ZNF254: variants seen among roughly 807,000 people sequenced by gnomAD.
ZNF254 encodes CTD-2017D11.1.
In ZNF254, 10 loss-of-function variants were observed where a neutral mutation model predicts 12.4. The ratio of observed to expected loss-of-function variants is 0.80; its 90% CI spans 0.50 to 1.36. The LOEUF is 1.36. Among genes scored for constraint, ZNF254 ranks in the 40% most tolerant of loss-of-function variants. The probability of loss-of-function intolerance (pLI) is 0.00; values close to 1 mark genes in which losing one functional copy is unlikely to be tolerated. For missense variants in ZNF254, 996 were observed against 763.9 expected (o/e 1.30, Z -3.58); for synonymous variants, 305 against 253.4 (o/e 1.20, Z -1.93).
At chr19:24,111,535 T>A (rs1320997346) in intron 3 of ZNF254, among the ~76,000 whole-genome samples, 1 of 152,222 alleles carries the variant, frequency 6.6e-6, no homozygotes, top group Non-Finnish European at 1.5e-5. Context: ...CACACTGACT[T>A]CCACAATGGT....
At chr19:24,034,061 G>A (rs909121938) in intron 1 of ZNF254, among the ~76,000 whole-genome samples, 1 of 152,048 alleles carries the variant, frequency 6.6e-6, no homozygotes, top group Non-Finnish European at 1.5e-5. Context: ...AGACTCAAGC[G>A]ATTCTCGTGC....
At chr19:24,058,764 A>T (rs1970959929) in intron 2 of ZNF254, among the ~76,000 whole-genome samples, 1 of 152,052 alleles carries the variant, frequency 6.6e-6, no homozygotes, top group Admixed American at 6.6e-5. Flanking sequence ...ATTGTAAAAT[A>T]TTGCTGCCAT....
At chr19:24,103,153 G>T (rs548619731) in intron 1 of ZNF254, among the ~76,000 whole-genome samples, 1 of 152,258 alleles carries the variant, frequency 6.6e-6, no homozygotes, top group Non-Finnish European at 1.5e-5. Context: ...ACTTTAAAGA[G>T]CCAGAAAATA....
At chr19:24,117,543 C>A (rs182538334) in intron 3 of ZNF254, among the ~76,000 whole-genome samples, 2 of 152,132 alleles carry the variant, frequency 1.3e-5, no homozygotes, top group Admixed American at 6.5e-5. Flanking sequence ...TTAAGCCCGT[C>A]GGAAAAGCGC....
chr19:24,069,312 T>C (rs1971393355), intron 2 of ZNF254, among the ~76,000 whole-genome samples: 1 of 146,008 alleles, frequency 6.8e-6, no homozygotes, highest in Admixed American at 6.9e-5. Flanking sequence ...AGCCCAAGAT[T>C]GTGTTTCTTA....
intron 2 of ZNF254, among the ~76,000 whole-genome samples, chr19:24,065,212 T>C (rs1971226345): frequency 6.6e-6 from 1 of 152,158 alleles, no homozygotes; most frequent in Non-Finnish European, 1.5e-5. Context: ...AAGATTGTGA[T>C]ATATTGCTGG....
In ZNF254 at chr19:24,126,865, A is replaced by T. The variant is rs759741667; in HGVS notation, c.865A>T (p.Thr289Ser). 6.2e-7 allele frequency: 1 copy of T among 1,613,510 alleles called. No homozygotes were observed. The highest frequency in any genetic ancestry group is 1.1e-5 in the South Asian group (1 of 91,046). The part of the protein sequence containing the change: ...SNLTTHKIIH[T>S]GEKPYKCEEC... ...TCTTACTACACATAAGATAATTCAT[A>T]CTGGAGAGAAACCTTACAAGTGTGA... The change falls in exon 4 of 4, where the codon ACT (threonine) becomes TCT (serine). Residue 289 changes from threonine (T) to serine (S), a missense_variant. Thr to Ser is a moderately conservative substitution (Grantham distance 58). Coordinates refer to ENST00000357002, the MANE Select transcript of ZNF254 (RefSeq NM_203282.4).
intron 1 of ZNF254, among the ~76,000 whole-genome samples, chr19:24,089,703 CT>C (rs369338289): frequency 8.1e-5 from 12 of 148,754 alleles, no homozygotes; most frequent in East Asian, 2.0e-4. Context: ...TCCTAGTGCA[CT>C]TTTTTTTTTA....
intron 3 of ZNF254, among the ~76,000 whole-genome samples, chr19:24,116,519 G>T (rs539946379): frequency 2.0e-5 from 3 of 152,124 alleles, no homozygotes; most frequent in South Asian, 2.1e-4. Flanking sequence ...TCTTCATGTA[G>T]TTCTCAAGCC....
intron 3 of ZNF254, among the ~76,000 whole-genome samples, chr19:24,119,914 GA>G (rs1471648022): frequency 2.0e-5 from 3 of 151,920 alleles, no homozygotes; most frequent in Non-Finnish European, 4.4e-5. Flanking sequence ...ATTGTGTAGT[GA>G]CATGCTTCAA....
intron 3 of ZNF254, 41 bp from the exon 4 acceptor site, chr19:24,126,213 T>C (rs1477020490): frequency 7.7e-7 from 1 of 1,301,728 alleles, no homozygotes; most frequent in Non-Finnish European, 1.0e-6. Context: ...CATGTGAGTC[T>C]AGTAAGTGGA....
chr19:24,126,109 T>C (rs955462062), intron 3 of ZNF254, 145 bp from the exon 4 acceptor site: 8 of 491,950 alleles, frequency 1.6e-5, no homozygotes, highest in Non-Finnish European at 2.6e-5. Context: ...GTTACATTTA[T>C]GTCTATGAAA....
chr19:24,099,816 T>C (rs1972902878), intron 1 of ZNF254, among the ~76,000 whole-genome samples: 1 of 152,202 alleles, frequency 6.6e-6, no homozygotes. Context: ...GATATTCAGA[T>C]TTAAGTGTGT....
At chr19:24,121,177 G>C (rs922245358) in intron 3 of ZNF254, among the ~76,000 whole-genome samples, 3 of 151,464 alleles carry the variant, frequency 2.0e-5, no homozygotes, top group African/African-American at 7.3e-5. Context: ...ATTTTTGTTT[G>C]TTTGTTTTAC....
At chr19:24,117,602 C>A (rs1413414726) in intron 3 of ZNF254, among the ~76,000 whole-genome samples, 2 of 152,134 alleles carry the variant, frequency 1.3e-5, no homozygotes, top group East Asian at 3.9e-4. Flanking sequence ...TCTGTCACCC[C>A]TTTCTTTGAC....
intron 2 of ZNF254, among the ~76,000 whole-genome samples, chr19:24,048,650 T>C: frequency 6.6e-6 from 1 of 152,192 alleles, no homozygotes; most frequent in East Asian, 1.9e-4. Flanking sequence ...ATCCCCACTT[T>C]GAGTTTGTTT....
chr19:24,058,520 G>A (rs1970949021), intron 2 of ZNF254, among the ~76,000 whole-genome samples: 1 of 151,078 alleles, frequency 6.6e-6, no homozygotes. Context: ...AAACAATTCT[G>A]TCTCAGCCTC....
At chr19:24,106,694 A>T (rs561519054) in intron 3 of ZNF254, 51 bp downstream of exon 3, 143 of 1,427,444 alleles carry the variant, frequency 1.0e-4, no homozygotes, top group Non-Finnish European at 1.3e-4. Flanking sequence ...TCCAAAGTCA[A>T]GAAGAAAGCC....
chr19:24,127,483 T>C lies in ZNF254; in HGVS notation c.1483T>C (p.Cys495Arg). ...AGAGAAACCCTACAAATGTGAAGAA[T>C]GTGGCAAATCTTTTAGCCAATCCTC... Reference protein sequence around the residue: ...TGEKPYKCEECGKSFSQSSTL... With the variant: ...TGEKPYKCEERGKSFSQSSTL... The change falls in exon 4 of 4, where the codon TGT (cysteine) becomes CGT (arginine). Residue 495 changes from cysteine (C) to arginine (R), a missense_variant. Transcript: ENST00000357002. The C allele has an allele frequency of 6.2e-7, 1 of 1,613,564 alleles. No homozygotes were observed. The highest frequency in any genetic ancestry group is 8.5e-7 in the Non-Finnish European group (1 of 1,179,834).
Sources: allele counts gnomAD v4.1 joint callset (sites outside exome capture counted in the v4.1 genomes callset), GRCh38; gene constraint gnomAD v4.1.1; transcripts MANE v1.5; gene names NCBI Gene and HGNC (gene_info 2026-07-23, HGNC 2026-07-21).